The following NISCH variants were observed in gnomAD, a reference collection of about 807,000 sequenced individuals.
NISCH encodes I-1 receptor candidate protein.
A neutral mutation model predicts 138.4 loss-of-function variants in NISCH; 55 were observed. That is an observed-to-expected ratio of 0.40 (90% CI 0.32 to 0.50). The LOEUF (loss-of-function observed/expected upper bound fraction) is 0.50, where lower values mean the gene tolerates loss of function less well. Among genes scored for constraint, NISCH ranks in the 20% least tolerant of loss-of-function variants. NISCH has a pLI of 0.71. For synonymous variants in NISCH, 860 were observed against 861.5 expected (o/e 1.00, Z 0.03); for missense variants, 1,643 against 2,005.5 (o/e 0.82, Z 3.45).
In NISCH at chr3:52,488,063, C is replaced by G. The variant is rs374253267; in HGVS notation, c.2571C>G (p.Pro857=). The change falls in exon 16 of 21, where the codon CCC becomes CCG. Residue 857 remains proline (P), a synonymous_variant. Coordinates refer to ENST00000345716, the MANE Select transcript of NISCH (RefSeq NM_007184.4). ...AGGAGCGCAGCCAGGGCTGCTTCCC[C>G]GTCTACCTGGTCTACAGTGACAAGC... ...GCQERSQGCF[P]VYLVYSDKRM... 1.2e-6 allele frequency: 2 copies of G among 1,612,752 alleles called. No individual in the cohort carries two copies. The highest frequency in any genetic ancestry group is 1.7e-6 in the Non-Finnish European group (2 of 1,179,928).
rs751294998 is a variant in NISCH, at chr3:52,492,073, G to T, written c.4106G>T (p.Arg1369Leu). The T allele has an allele frequency of 2.5e-6, 4 of 1,613,018 alleles. No individual in the cohort carries two copies. The highest frequency in any genetic ancestry group is 1.1e-5 in the South Asian group (1 of 91,082). The change falls in exon 21 of 21, where the codon CGC (arginine) becomes CTC (leucine). Residue 1369 changes from arginine (R) to leucine (L), a missense_variant. Physicochemically the swap from Arg to Leu is moderately radical, Grantham distance 102. Transcript: ENST00000345716. ...CCTGGGTGCTGCAGGGGCCCCCTGC[G>T]CCCCAAGACACTCCTGCTCACCAGC... is the stretch of plus-strand genomic sequence containing the variant. ...PPPGCCRGPLRPKTLLLTSSE... is the reference protein window; with the variant it reads ...PPPGCCRGPLLPKTLLLTSSE...
intron 3 of NISCH, among the ~76,000 whole-genome samples, chr3:52,462,248 G>A (rs1353775607): frequency 6.6e-6 from 1 of 152,206 alleles, no homozygotes; most frequent in Non-Finnish European, 1.5e-5. Flanking sequence ...ATCAGCCATA[G>A]CACTGTTGAC....
intron 14 of NISCH, 80 bp from the exon 15 acceptor site, chr3:52,485,698 C>A (rs746435471): frequency 6.7e-7 from 1 of 1,487,124 alleles, no homozygotes; most frequent in Non-Finnish European, 9.2e-7. Context: ...GCAGAATGCC[C>A]AGCTCAGGGT....
At chr3:52,470,407 CAGGG>C (rs1678269643) in intron 3 of NISCH, 1 of 161,234 alleles carries the variant, frequency 6.2e-6, no homozygotes, top group South Asian at 2.0e-4. Context: ...TGGTCATTCC[CAGGG>C]AGGGTTAGCT....
intron 3 of NISCH, among the ~76,000 whole-genome samples, chr3:52,463,114 A>T (rs1706682349): frequency 6.6e-6 from 1 of 152,220 alleles, no homozygotes; most frequent in Non-Finnish European, 1.5e-5. Context: ...GGAGCTTCCC[A>T]TCCCTCTGTC....
chr3:52,457,789 G>A, intron 1 of NISCH, 54 bp from the exon 2 acceptor site: 1 of 1,200,822 alleles, frequency 8.3e-7, no homozygotes, highest in Non-Finnish European at 1.2e-6. Flanking sequence ...TGGGGGAGGA[G>A]ACTCCTTGTT....
Position 52,471,846 on chromosome 3 carries a change from G to C in NISCH, c.442G>C (p.Ala148Pro). ...GCTCCTGGGGGCCGGCGAGGTCTTT[G>C]CCATTGGACCCCTGCAGCTGTATGC... Reference protein sequence around the residue: ...EQLLGAGEVFAIGPLQLYAVT... With the variant: ...EQLLGAGEVFPIGPLQLYAVT... The change falls in exon 5 of 21, where the codon GCC becomes CCC. Residue 148 changes from alanine to proline, a missense_variant. Ala to Pro is a conservative substitution (Grantham distance 27). Transcript: ENST00000345716. 2 of 1,613,972 alleles carry C rather than the reference G, an allele frequency of 1.2e-6. No homozygotes were observed. The highest frequency in any genetic ancestry group is 1.7e-6 in the Non-Finnish European group (2 of 1,179,998).
At chr3:52,473,638 A>G (rs1707010678) in intron 6 of NISCH, 96 bp from the exon 7 acceptor site, 2 of 799,174 alleles carry the variant, frequency 2.5e-6, no homozygotes, top group Non-Finnish European at 4.0e-6. Flanking sequence ...GTTGCCTGTC[A>G]TTGTGCTTTT....
intron 3 of NISCH, 92 bp downstream of exon 3, chr3:52,458,936 G>A: frequency 8.6e-7 from 1 of 1,164,250 alleles, no homozygotes; most frequent in African/African-American, 1.5e-5. Flanking sequence ...GCTTTGAGGT[G>A]GGCTGGGGTT....
Position 52,458,665 on chromosome 3 carries a change from G to C in NISCH, c.181G>C (p.Val61Leu). 6.2e-7 allele frequency: 1 copy of C among 1,611,450 alleles called. No individual in the cohort carries two copies. The change falls in exon 3 of 21, where the codon GTT (valine) becomes CTT (leucine). Residue 61 changes from valine to leucine, a missense_variant. Physicochemically the swap from Val to Leu is conservative, Grantham distance 32 (BLOSUM62 1). Coordinates refer to ENST00000345716, the MANE Select transcript of NISCH (RefSeq NM_007184.4). The part of the protein sequence containing the change: ...SDFHDLHEKL[V>L]AERKIDKNLL... ...ATGTGCTTATGTTTTTTTACAGCTC[G>C]TTGCAGAGAGAAAGATTGATAAAAA... is the stretch of plus-strand genomic sequence containing the variant.
At chr3:52,461,807 G>T (rs1298382180) in intron 3 of NISCH, among the ~76,000 whole-genome samples, 1 of 150,556 alleles carries the variant, frequency 6.6e-6, no homozygotes, top group African/African-American at 2.5e-5. Context: ...AGCTTGCAGT[G>T]AGCCAAGATC....
At position 52,487,475 on chromosome 3, in the gene NISCH, C is replaced by A; in HGVS notation, c.1983C>A (p.Asp661Glu). ...ENRYFEMGPP[D>E]VEEEEGGGQG... ...GCTACTTTGAAATGGGGCCCCCAGA[C>A]GTGGAGGAGGAGGAGGGAGGAGGCC... The change falls in exon 16 of 21, where the codon GAC (aspartate) becomes GAA (glutamate). Residue 661 changes from aspartate (D) to glutamate (E), a missense_variant. Transcript: ENST00000345716. This position sits in a 1 kb window ranked among gnomAD's most constrained non-coding sequence, Gnocchi z 9.1. 1 of 1,599,488 alleles carries A rather than the reference C, an allele frequency of 6.3e-7. No homozygotes were observed. Among genetic ancestry groups the A allele is most frequent in the South Asian group, 1.1e-5 (1 of 89,760 alleles).
chr3:52,469,223 G>T (rs1706871688), intron 3 of NISCH, among the ~76,000 whole-genome samples: 1 of 152,096 alleles, frequency 6.6e-6, no homozygotes, highest in Admixed American at 6.5e-5. Flanking sequence ...TTACGAAAAG[G>T]CCTGTTGGCT....
chr3:52,470,723 T>G, intron 3 of NISCH, 136 bp from the exon 4 acceptor site: 1 of 753,446 alleles, frequency 1.3e-6, no homozygotes, highest in South Asian at 1.5e-5. Context: ...CATTGTAGGT[T>G]TATGCCCTCC....
chr3:52,459,503 G>A (rs769024029), intron 3 of NISCH, among the ~76,000 whole-genome samples: 37 of 152,108 alleles, frequency 2.4e-4, no homozygotes, highest in Non-Finnish European at 5.0e-4. Context: ...GTGCGATCTC[G>A]GCTCACTACA....
In NISCH at chr3:52,484,511, A is replaced by G; in HGVS notation, c.1529-2A>G. The G allele has an allele frequency of 1.5e-6, 2 of 1,366,548 alleles. No homozygotes were observed. The highest frequency in any genetic ancestry group is 9.6e-7 in the Non-Finnish European group (1 of 1,038,992). 84.7% of individuals were successfully genotyped at this position (1,366,548 alleles called of 1,614,324 possible). The stretch of plus-strand genomic sequence containing the variant: ...CCTGCCCACCCGCCCTGGTCTCTCC[A>G]GGAATCATGTTCGTTCAGGAGGAGG... On this transcript the variant is annotated splice_acceptor_variant, in intron 13 of 20. Coordinates refer to ENST00000345716, the MANE Select transcript of NISCH (RefSeq NM_007184.4). LOFTEE classifies it high-confidence loss of function.
chr3:52,491,376 C>T lies in NISCH; in HGVS notation c.3767C>T (p.Thr1256Met), dbSNP rs1027561537. ...LTGSTPMQVV[T>M]CLTRDSYLTH... ...GGTTCCACCCCGATGCAGGTGGTCA[C>T]GTGCTTGACGCGGGACAGCTACCTG... The change falls in exon 20 of 21, where the codon ACG becomes ATG. Residue 1256 changes from threonine to methionine, a missense_variant. Coordinates refer to ENST00000345716, the MANE Select transcript of NISCH (RefSeq NM_007184.4). The T allele has an allele frequency of 2.5e-6, 4 of 1,612,722 alleles. No homozygotes were observed. Among genetic ancestry groups the T allele is most frequent in the East Asian group, 2.2e-5 (1 of 44,870 alleles).
At chr3:52,459,593 C>T (rs1278036776) in intron 3 of NISCH, among the ~76,000 whole-genome samples, 1 of 151,944 alleles carries the variant, frequency 6.6e-6, no homozygotes, top group African/African-American at 2.4e-5. Context: ...ACCACCACAC[C>T]CAGCTAATTT....
chr3:52,468,896 A>C (rs1706861468), intron 3 of NISCH, among the ~76,000 whole-genome samples: 1 of 152,170 alleles, frequency 6.6e-6, no homozygotes, highest in African/African-American at 2.4e-5. Context: ...CCAAGAAGTC[A>C]TGAAGGATAA....
Sources: gnomAD v4.1 joint callset for allele counts (sites outside exome capture counted in the v4.1 genomes callset) on GRCh38, gnomAD v4.1.1 for gene constraint, Gnocchi (gnomAD v3.1) non-coding constraint, MANE v1.5 for transcripts, NCBI Gene and HGNC (gene_info 2026-07-23, HGNC 2026-07-21) for gene names.